RAPGEF4: variants seen among roughly 807,000 people sequenced by gnomAD.
RAPGEF4 encodes RAP guanine-nucleotide-exchange factor (GEF) 4.
Under a neutral mutation model 147.9 loss-of-function variants are expected in RAPGEF4, and 66 were observed. The observed-to-expected ratio is 0.45, with a 90% CI of 0.37 to 0.55. The LOEUF (loss-of-function observed/expected upper bound fraction) is 0.55, where lower values mean the gene tolerates loss of function less well. RAPGEF4 is among the 20% of genes least tolerant of loss of function. The pLI is 0.00. For missense variants in RAPGEF4, 1,071 were observed against 1,257.3 expected, an observed-to-expected ratio of 0.85 and a Z score of 2.24; for synonymous variants, 419 against 442.7, an observed-to-expected ratio of 0.95 and a Z score of 0.67.
rs1357067888 is a variant in RAPGEF4 at position 172,814,362 on chromosome 2, C to T, written c.381C>T (p.Ile127=). 7 of 1,614,020 alleles carry T rather than the reference C, an allele frequency of 4.3e-6. No individual in the cohort carries two copies. Among genetic ancestry groups the T allele is most frequent in the African/African-American group, 2.7e-5 (2 of 74,920 alleles). The change falls in exon 4 of 31, where the codon ATC becomes ATT. Residue 127 remains isoleucine, a synonymous_variant. Coordinates refer to ENST00000397081, the MANE Select transcript of RAPGEF4 (RefSeq NM_007023.4). The part of the protein sequence containing the change: ...ILDNTPRHAT[I]VTRESSELLR... ...ACAACACACCCCGCCATGCAACCAT[C>T]GTTACCAGGGAGAGCAGTGAACTGC...
At chr2:172,756,443 T>A (rs1695785552) in intron 1 of RAPGEF4, among the ~76,000 whole-genome samples, 1 of 152,182 alleles carries the variant, frequency 6.6e-6, no homozygotes, top group South Asian at 2.1e-4. Flanking sequence ...CCACTGTGGG[T>A]GAGCCTCCAG....
intron 4 of RAPGEF4, among the ~76,000 whole-genome samples, chr2:172,872,307 A>T (rs2149814172): frequency 6.6e-6 from 1 of 152,026 alleles, no homozygotes; most frequent in East Asian, 1.9e-4. Context: ...TATATGACTG[A>T]CTCCTGGTGA....
At chr2:172,775,668 T>C (rs1270083469) in intron 1 of RAPGEF4, among the ~76,000 whole-genome samples, 2 of 152,208 alleles carry the variant, frequency 1.3e-5, no homozygotes, top group Admixed American at 1.3e-4. Context: ...TTTGGAACTA[T>C]GAAAATGAGG....
At chr2:172,985,951 G>C (rs1027379502) in intron 12 of RAPGEF4, among the ~76,000 whole-genome samples, 1 of 152,182 alleles carries the variant, frequency 6.6e-6, no homozygotes, top group African/African-American at 2.4e-5. Context: ...TAAGCTCCAA[G>C]CTGGAGAGAA....
chr2:173,004,552 C>A (rs1288622981), intron 17 of RAPGEF4, among the ~76,000 whole-genome samples: 2 of 151,948 alleles, frequency 1.3e-5, no homozygotes, highest in Non-Finnish European at 2.9e-5. Flanking sequence ...AGAATGAGAT[C>A]ATACTGTAAA....
intron 1 of RAPGEF4, among the ~76,000 whole-genome samples, chr2:172,789,354 G>C (rs1163142361): frequency 3.3e-5 from 5 of 152,132 alleles, no homozygotes; most frequent in Non-Finnish European, 7.3e-5. Flanking sequence ...CTCCCACCCG[G>C]CCTCAAAAGG....
chr2:172,772,719 G>A (rs1428673537), intron 1 of RAPGEF4, among the ~76,000 whole-genome samples: 1 of 152,204 alleles, frequency 6.6e-6, no homozygotes. Context: ...TTTGTTGAAC[G>A]AGTATGTGAA....
intron 6 of RAPGEF4, among the ~76,000 whole-genome samples, chr2:172,949,286 A>T (rs1383441614): frequency 6.6e-6 from 1 of 152,208 alleles, no homozygotes; most frequent in Non-Finnish European, 1.5e-5. Flanking sequence ...TAACAAAGAC[A>T]CAATTTTTTA....
At chr2:172,893,501 G>A (rs560379163) in intron 4 of RAPGEF4, among the ~76,000 whole-genome samples, 1 of 152,296 alleles carries the variant, frequency 6.6e-6, no homozygotes, top group Non-Finnish European at 1.5e-5. Context: ...TGGCTGCCCC[G>A]AATCATGGGA....
chr2:172,982,898 G>A (rs373725794), intron 10 of RAPGEF4, among the ~76,000 whole-genome samples: 4 of 152,054 alleles, frequency 2.6e-5, no homozygotes, highest in Non-Finnish European at 5.9e-5. Flanking sequence ...CTTACTAATC[G>A]CAGATGCTAC....
intron 1 of RAPGEF4, among the ~76,000 whole-genome samples, chr2:172,738,372 G>T (rs1694003316): frequency 3.9e-5 from 6 of 152,132 alleles, no homozygotes; most frequent in Admixed American, 3.9e-4. Context: ...GATTGGTGGT[G>T]GGACGGCTCT....
At chr2:172,876,087 A>T (rs1373048989) in intron 4 of RAPGEF4, among the ~76,000 whole-genome samples, 1 of 152,154 alleles carries the variant, frequency 6.6e-6, no homozygotes, top group South Asian at 2.1e-4. Flanking sequence ...ATTTTTGCAC[A>T]TTGATTTTGT....
intron 4 of RAPGEF4, among the ~76,000 whole-genome samples, chr2:172,887,262 A>G (rs1697347992): frequency 6.6e-6 from 1 of 152,210 alleles, no homozygotes; most frequent in East Asian, 1.9e-4. Context: ...GAAAGATAAT[A>G]GCTTTAAATT....
intron 4 of RAPGEF4, among the ~76,000 whole-genome samples, chr2:172,896,111 G>A (rs539699994): frequency 2.8e-4 from 43 of 152,200 alleles, no homozygotes; most frequent in African/African-American, 8.9e-4. Context: ...ATGAACTGCC[G>A]AACTTCACAC....
At chr2:172,892,638 A>T (rs1698055404) in intron 4 of RAPGEF4, among the ~76,000 whole-genome samples, 2 of 152,260 alleles carry the variant, frequency 1.3e-5, no homozygotes, top group South Asian at 4.1e-4. Flanking sequence ...CTTTGGAGGC[A>T]CAATTCTGAA....
At chr2:172,801,544 C>T (rs919476006) in intron 3 of RAPGEF4, among the ~76,000 whole-genome samples, 1 of 152,066 alleles carries the variant, frequency 6.6e-6, no homozygotes, top group Non-Finnish European at 1.5e-5. Flanking sequence ...GGCTATGTGC[C>T]CAGTGTGTCA....
At chr2:172,832,954 G>A (rs1003212249) in intron 4 of RAPGEF4, among the ~76,000 whole-genome samples, 4 of 152,184 alleles carry the variant, frequency 2.6e-5, no homozygotes, top group South Asian at 2.1e-4. Flanking sequence ...GGTGGCTCAC[G>A]CCTGTGATCC....
chr2:173,021,573 G>A (rs982728274), intron 23 of RAPGEF4, among the ~76,000 whole-genome samples: 1 of 152,130 alleles, frequency 6.6e-6, no homozygotes, highest in Non-Finnish European at 1.5e-5. Context: ...GGGCAACAGA[G>A]CGAGACTCTG....
chr2:172,996,325 G>A (rs1693356980), intron 15 of RAPGEF4, 141 bp from the exon 16 acceptor site: 1 of 477,240 alleles, frequency 2.1e-6, no homozygotes, highest in Non-Finnish European at 3.7e-6. Flanking sequence ...CTTTGACAAA[G>A]TGTGTGGTCT....
Sources: gnomAD v4.1 joint callset for allele counts (sites outside exome capture counted in the v4.1 genomes callset) on GRCh38, gnomAD v4.1.1 for gene constraint, MANE v1.5 for transcripts, NCBI Gene and HGNC (gene_info 2026-07-23, HGNC 2026-07-21) for gene names.